Variants in IRS1 observed in about 807,000 individuals in gnomAD.
The protein encoded by IRS1 is insulin receptor substrate 1.
Under a neutral mutation model 65.6 loss-of-function variants are expected in IRS1, and 34 were observed. The ratio of observed to expected loss-of-function variants is 0.52; its 90% confidence interval spans 0.39 to 0.69. The LOEUF (loss-of-function observed/expected upper bound fraction) is 0.69, where lower values mean the gene tolerates loss of function less well. IRS1 is among the 30% of genes least tolerant of loss of function. The probability of loss-of-function intolerance (pLI) is 0.00; values close to 1 mark genes in which losing one functional copy is unlikely to be tolerated. For synonymous variants in IRS1, 699 were observed against 683.5 expected (o/e 1.02, Z -0.35); for missense variants, 1,641 against 1,720.2 (o/e 0.95, Z 0.81).
intron 1 of IRS1, among the ~76,000 whole-genome samples, chr2:226,741,426 A>G (rs1938433957): frequency 6.6e-6 from 1 of 152,298 alleles, no homozygotes; most frequent in South Asian, 2.1e-4. Flanking sequence ...AAGGAAGGGC[A>G]CAGGCAAAAT....
rs143059727 is a variant in IRS1 at position 226,767,821 on chromosome 2, C to T, written c.*21+27168G>A. 2.6e-5 allele frequency among the ~76,000 whole-genome samples: 4 copies of T among 152,272 alleles called. No homozygotes were observed. The East Asian group carries it at 7.7e-4, about 29-fold the overall frequency. On this transcript the variant is annotated intron_variant, in intron 1 of 1. Transcript: ENST00000305123. ...TATCTAAGAGGTCTCAGCTGATTGG[C>T]ACTATCAAACTCAAAGGCATGAGGA...
At chr2:226,749,216 G>A (rs1439562385) in intron 1 of IRS1, among the ~76,000 whole-genome samples, 1 of 152,130 alleles carries the variant, frequency 6.6e-6, no homozygotes, top group Non-Finnish European at 1.5e-5. Flanking sequence ...AGCGGGCCAT[G>A]GCCTACCTGT....
Position 226,735,534 on chromosome 2 carries a change from A to C in IRS1, c.*738T>G, listed in dbSNP as rs1423127543. The stretch of plus-strand genomic sequence containing the variant: ...ATTCTTATAAGGAACTCAGCTCAAC[A>C]TCAGGTTTATATGACAAGAGATAGT... On this transcript the variant is annotated 3_prime_UTR_variant, in exon 2 of 2. Coordinates refer to ENST00000305123, the MANE Select transcript of IRS1 (RefSeq NM_005544.3). 1.3e-5 allele frequency: 2 copies of C among 152,636 alleles called. No individual in the cohort carries two copies. Among genetic ancestry groups the C allele is most frequent in the Admixed American group, 6.5e-5 (1 of 15,278 alleles). 9.5% of individuals were successfully genotyped at this position (152,636 alleles called of 1,614,324 possible).
rs1338655809 is a variant in IRS1, at chr2:226,799,810, G to C, written c.-1072C>G. On this transcript the variant is annotated 5_prime_UTR_variant, in exon 1 of 2. Coordinates refer to ENST00000305123, the MANE Select transcript of IRS1 (RefSeq NM_005544.3). The surrounding 1 kb of genome is among the most constrained non-coding windows in gnomAD (Gnocchi z 6.1). ...GACGGAGCCTCCGCGCTCGGCAGCC[G>C]GGCAGCCGCCGCCGGGAGGCTCCCG... The C allele has an allele frequency of 2.2e-5, 22 of 988,120 alleles. No individual in the cohort carries two copies. The highest frequency in any genetic ancestry group is 2.5e-5 in the Non-Finnish European group (21 of 829,754). 61.2% of individuals were successfully genotyped at this position (988,120 alleles called of 1,614,324 possible). A position where few individuals can be genotyped will look rare whatever the true frequency, so the allele number is the denominator to read the frequency against.
At position 226,797,590 on chromosome 2, in the gene IRS1, C is replaced by A. The variant is rs937008032; in HGVS notation, c.1149G>T (p.Ser383=). The change falls in exon 1 of 2, where the codon TCG becomes TCT. Residue 383 remains serine, a synonymous_variant. Coordinates refer to ENST00000305123, the MANE Select transcript of IRS1 (RefSeq NM_005544.3). This position sits in a 1 kb window ranked among gnomAD's most constrained non-coding sequence, Gnocchi z 8.1. ...GACTGACCGGGCTGGTGGCCGAAGGCGAGCAGCGGGAAGCCGGCATGGGGA... is the reference window on the plus strand; with the variant it reads ...GACTGACCGGGCTGGTGGCCGAAGGAGAGCAGCGGGAAGCCGGCATGGGGA... ...RSIPMPASRC[S]PSATSPVSLS... is the part of the protein sequence containing the mutation. 6.3e-7 allele frequency: 1 copy of A among 1,589,740 alleles called. No individual in the cohort carries two copies.
At chr2:226,785,942 G>A (rs139464598) in intron 1 of IRS1, among the ~76,000 whole-genome samples, 1,302 of 129,986 alleles carry the variant, frequency 0.01, 62 homozygotes, top group African/African-American at 0.037. Flanking sequence ...CCCTTCCTGC[G>A]TCCATGTGAT....
intron 1 of IRS1, among the ~76,000 whole-genome samples, chr2:226,791,806 C>A (rs1054600065): frequency 1.1e-4 from 17 of 152,010 alleles, no homozygotes; most frequent in African/African-American, 4.1e-4. Flanking sequence ...GGGCCTCGCC[C>A]GCCAGCGCCG....
chr2:226,797,276 C>T lies in IRS1; in HGVS notation c.1463G>A (p.Gly488Asp), dbSNP rs1012124430. 6.8e-6 allele frequency: 11 copies of T among 1,613,544 alleles called. No individual in the cohort carries two copies. The highest frequency in any genetic ancestry group is 9.3e-6 in the Non-Finnish European group (11 of 1,179,970). The change falls in exon 1 of 2, where the codon GGT becomes GAT. Residue 488 changes from glycine to aspartate, a missense_variant. Transcript: ENST00000305123. The surrounding 1 kb of genome is among the most constrained non-coding windows in gnomAD (Gnocchi z 8.1). ...TGGGGTGCAGCGGTGGCCATTGCCACCCCGAGACAAAATGTAGTGACCGTT... is the reference window on the plus strand; with the variant it reads ...TGGGGTGCAGCGGTGGCCATTGCCATCCCGAGACAAAATGTAGTGACCGTT... ...APNGHYILSR[G>D]GNGHRCTPGT...
chr2:226,780,450 T>C (rs1939358936), intron 1 of IRS1, among the ~76,000 whole-genome samples: 1 of 152,246 alleles, frequency 6.6e-6, no homozygotes, highest in African/African-American at 2.4e-5. Context: ...AGCTGTGATA[T>C]AATGCTTATT....
chr2:226,789,358 G>A (rs1939546813), intron 1 of IRS1, among the ~76,000 whole-genome samples: 1 of 152,206 alleles, frequency 6.6e-6, no homozygotes, highest in East Asian at 1.9e-4. Context: ...ATAACACAGG[G>A]TTGGAAAAGC....
chr2:226,796,841 A>G lies in IRS1; in HGVS notation c.1898T>C (p.Met633Thr). 4 of 1,552,740 alleles carry G rather than the reference A, an allele frequency of 2.6e-6. No individual in the cohort carries two copies. The South Asian group carries it at 5.0e-5, about 19-fold the overall frequency. Residue 633 changes from methionine (M) to threonine (T), a missense_variant, in exon 1 of 2, where the codon ATG (methionine) becomes ACG (threonine). Coordinates refer to ENST00000305123, the MANE Select transcript of IRS1 (RefSeq NM_005544.3). ...PSGRKGSGDY[M>T]PMSPKSVSAP... Reference sequence around the variant, plus strand: ...AGATACGCTCTTGGGGCTCATGGGCATATAGTCTCCACTGCCCTTTCGGCC... The same window carrying G: ...AGATACGCTCTTGGGGCTCATGGGCGTATAGTCTCCACTGCCCTTTCGGCC...
At position 226,786,066 on chromosome 2, in the gene IRS1, C is replaced by T. The variant is rs527345453; in HGVS notation, c.*21+8923G>A. On this transcript the variant is annotated intron_variant, in intron 1 of 1. Coordinates refer to ENST00000305123, the MANE Select transcript of IRS1 (RefSeq NM_005544.3). ...ATCTCATCCATGTCCCTACAAAGGACATGCACTCGTCCTTTTTTATGGCTG... is the reference window on the plus strand; with the variant it reads ...ATCTCATCCATGTCCCTACAAAGGATATGCACTCGTCCTTTTTTATGGCTG... 1.8e-4 allele frequency among the ~76,000 whole-genome samples: 27 copies of T among 149,424 alleles called. 1 individual carries two copies. The highest frequency in any genetic ancestry group is 6.7e-4 in the African/African-American group (27 of 40,494).
rs187377813 is a variant in IRS1 at position 226,746,399 on chromosome 2, T to G, written c.*22-10149A>C. On this transcript the variant is annotated intron_variant, in intron 1 of 1. Transcript: ENST00000305123. The stretch of plus-strand genomic sequence containing the variant: ...TGTGATCTAGCCAGTCAATGCTGCT[T>G]GAGTAACTTGATGAAAAATTGAAAT... Among the ~76,000 whole-genome samples the G allele has an allele frequency of 8.5e-5, 13 of 152,264 alleles. No homozygotes were observed. In the East Asian group the frequency reaches 2.3e-3, roughly 27 times the overall value.
chr2:226,757,683 C>A (rs954658308), intron 1 of IRS1, among the ~76,000 whole-genome samples: 1 of 152,180 alleles, frequency 6.6e-6, no homozygotes, highest in Non-Finnish European at 1.5e-5. Flanking sequence ...CACTTATAAT[C>A]TGAAAATATG....
intron 1 of IRS1, among the ~76,000 whole-genome samples, chr2:226,762,547 C>G (rs1277765551): frequency 6.6e-6 from 1 of 152,164 alleles, no homozygotes; most frequent in Non-Finnish European, 1.5e-5. Context: ...TGTATAGTCT[C>G]TACCCCAACA....
intron 1 of IRS1, among the ~76,000 whole-genome samples, chr2:226,780,260 C>T (rs1225162823): frequency 6.6e-6 from 1 of 152,060 alleles, no homozygotes; most frequent in Non-Finnish European, 1.5e-5. Flanking sequence ...GGCATGGTGG[C>T]AGGTGCCTGT....
chr2:226,796,370 C>A lies in IRS1; in HGVS notation c.2369G>T (p.Arg790Leu). ...AAGGCGACCAGAGCTAGTGGAAAGG[C>A]GGAGGTGCTGATGCCGGGCACCCTC... ...PEEGARHQHL[R>L]LSTSSGRLLY... The change falls in exon 1 of 2, where the codon CGC becomes CTC. Residue 790 changes from arginine (R) to leucine (L), a missense_variant. Arg to Leu is a moderately radical substitution (Grantham distance 102). Transcript: ENST00000305123. The A allele has an allele frequency of 5.6e-6, 9 of 1,613,346 alleles. No homozygotes were observed. The highest frequency in any genetic ancestry group is 1.1e-5 in the South Asian group (1 of 91,088).
At chr2:226,752,746 T>C (rs1559149133) in intron 1 of IRS1, among the ~76,000 whole-genome samples, 2 of 152,234 alleles carry the variant, frequency 1.3e-5, no homozygotes, top group Admixed American at 1.3e-4. Context: ...GAATGTAGTA[T>C]GTAACCTTTA....
At chr2:226,774,153 G>A (rs181394252) in intron 1 of IRS1, among the ~76,000 whole-genome samples, 2 of 152,128 alleles carry the variant, frequency 1.3e-5, no homozygotes, top group African/African-American at 4.8e-5. Flanking sequence ...TTGATTCCCC[G>A]AGACTTGAGA....
Sources: allele counts gnomAD v4.1 joint callset (sites outside exome capture counted in the v4.1 genomes callset), GRCh38; gene constraint gnomAD v4.1.1; non-coding constraint Gnocchi (gnomAD v3.1); transcripts MANE v1.5; gene names NCBI Gene and HGNC (gene_info 2026-07-23, HGNC 2026-07-21).